SNX16: variants seen among roughly 807,000 people sequenced by gnomAD.
SNX16 encodes sorting nexin 16.
A neutral mutation model predicts 36.7 loss-of-function variants in SNX16; 35 were observed. The ratio of observed to expected loss-of-function variants is 0.95; its 90% CI spans 0.73 to 1.27. The LOEUF (loss-of-function observed/expected upper bound fraction) is 1.27, where lower values mean the gene tolerates loss of function less well. SNX16 is among the 50% of genes most tolerant of loss of function. The pLI, the probability that SNX16 is intolerant of heterozygous loss-of-function variation, is 0.00. For synonymous variants in SNX16, 134 were observed against 132.0 expected, an observed-to-expected ratio of 1.02 and a Z score of -0.10; for missense variants, 367 against 393.6, an observed-to-expected ratio of 0.93 and a Z score of 0.57.
At chr8:81,838,803 T>C (rs1441698788) in intron 2 of SNX16, among the ~76,000 whole-genome samples, 3 of 151,996 alleles carry the variant, frequency 2.0e-5, no homozygotes, top group African/African-American at 7.2e-5. Flanking sequence ...TTATCAAATG[T>C]ATTATTAAGG....
chr8:81,819,654 A>T (rs544615499), intron 4 of SNX16, among the ~76,000 whole-genome samples: 1 of 152,086 alleles, frequency 6.6e-6, no homozygotes, highest in African/African-American at 2.4e-5. Context: ...ACTCATTTTT[A>T]TATAGTCAAA....
chr8:81,808,641 G>C, intron 5 of SNX16: 3 of 930,706 alleles, frequency 3.2e-6, no homozygotes, highest in Non-Finnish European at 3.5e-6. Flanking sequence ...CCCCCATGGT[G>C]GTGGAGGCCA....
rs138107067 is a variant in SNX16, at chr8:81,799,769, G to A, written c.*1728C>T. On this transcript the variant is annotated 3_prime_UTR_variant, in exon 8 of 8. Coordinates refer to ENST00000345957, the MANE Select transcript of SNX16 (RefSeq NM_152836.3). ...GCCAGATTGAAAAAGTGGCTGGTTC[G>A]CTTTAGAACAGACAGGCAACACTAT... 15 of 151,892 alleles carry A rather than the reference G, an allele frequency of 9.9e-5. No homozygotes were observed. Among genetic ancestry groups the A allele is most frequent in the Admixed American group, 2.6e-4 (4 of 15,268 alleles). The allele number at this position is 151,892 out of a possible 1,614,324, so 9.4% of individuals were successfully genotyped here. A position where few individuals can be genotyped will look rare whatever the true frequency, so the allele number is the denominator to read the frequency against.
chr8:81,818,120 C>G (rs1585995766), intron 4 of SNX16, among the ~76,000 whole-genome samples: 1 of 151,978 alleles, frequency 6.6e-6, no homozygotes, highest in Non-Finnish European at 1.5e-5. Context: ...CTCTTAAGAA[C>G]AACATATTTG....
In SNX16 at chr8:81,815,753, C is replaced by A. The variant is rs1191125344; in HGVS notation, c.612-359G>T. On this transcript the variant is annotated intron_variant, in intron 4 of 7. Transcript: ENST00000345957. ...ATCCTTTTATGAATAAATGCAATTT[C>A]TAATTTATACCTCACTTGTTTTTGT... The A allele has an allele frequency of 1.8e-5, 3 of 166,094 alleles. No homozygotes were observed. In the South Asian group the frequency reaches 4.7e-4, roughly 26 times the overall value. The allele number at this position is 166,094 out of a possible 1,614,324, so 10.3% of individuals were successfully genotyped here.
chr8:81,829,035 C>A (rs1242625069), intron 3 of SNX16, among the ~76,000 whole-genome samples: 2 of 152,198 alleles, frequency 1.3e-5, no homozygotes, highest in African/African-American at 4.8e-5. Context: ...AGGAACCCAG[C>A]TGAACCCACC....
chr8:81,805,911 A>C (rs1159852100), intron 5 of SNX16, among the ~76,000 whole-genome samples: 1 of 151,560 alleles, frequency 6.6e-6, no homozygotes, highest in Non-Finnish European at 1.5e-5. Context: ...ACAGAGCAAG[A>C]CTCTTATCTC....
intron 7 of SNX16, 98 bp from the exon 8 acceptor site, chr8:81,801,691 A>G (rs1209941831): frequency 3.2e-6 from 2 of 616,402 alleles, no homozygotes; most frequent in East Asian, 5.6e-5. Context: ...TCTACCTTAT[A>G]GAAAATTTAC....
chr8:81,820,103 T>C lies in SNX16; in HGVS notation c.611+3689A>G, dbSNP rs567357002. ...TGCCATTCCAACTGTACCAGAATGC[T>C]AACAGGCATCCCAGCAGGTAATATG... On this transcript the variant is annotated intron_variant, in intron 4 of 7. Coordinates refer to ENST00000345957, the MANE Select transcript of SNX16 (RefSeq NM_152836.3). 8.3e-4 allele frequency among the ~76,000 whole-genome samples: 126 copies of C among 152,240 alleles called. 1 individual carries two copies. The highest frequency in any genetic ancestry group is 3.0e-3 in the African/African-American group (125 of 41,600).
rs1269436778 is a variant in SNX16 at position 81,799,953 on chromosome 8, T to A, written c.*1544A>T. 6.6e-6 allele frequency: 1 copy of A among 151,936 alleles called. No homozygotes were observed. Among genetic ancestry groups the A allele is most frequent in the African/African-American group, 2.4e-5 (1 of 41,444 alleles). The allele number at this position is 151,936 out of a possible 1,614,324, so 9.4% of individuals were successfully genotyped here. A position where few individuals can be genotyped will look rare whatever the true frequency, so the allele number is the denominator to read the frequency against. ...TTTCTGTCTCTAAGGATAGCAAACA[T>A]ATTTCTGATACACATTGTGAAAAAT... is the stretch of plus-strand genomic sequence containing the variant. On this transcript the variant is annotated 3_prime_UTR_variant, in exon 8 of 8. Transcript: ENST00000345957.
At chr8:81,810,672 A>AATC (rs1409595543) in intron 5 of SNX16, among the ~76,000 whole-genome samples, 2 of 152,200 alleles carry the variant, frequency 1.3e-5, no homozygotes, top group Non-Finnish European at 2.9e-5. Flanking sequence ...GACTTATTTA[A>AATC]ATCAGTGGTT....
At chr8:81,839,151 A>T (rs1052767937) in intron 2 of SNX16, among the ~76,000 whole-genome samples, 1 of 152,148 alleles carries the variant, frequency 6.6e-6, no homozygotes, top group Non-Finnish European at 1.5e-5. Flanking sequence ...TTTTAGGAGT[A>T]TAAATCAGTA....
At chr8:81,823,708 A>G (rs1810879663) in intron 4 of SNX16, 84 bp downstream of exon 4, 1 of 1,242,434 alleles carries the variant, frequency 8.0e-7, no homozygotes. Flanking sequence ...TTGTGCTTAA[A>G]TAACTATGAT....
At chr8:81,818,462 T>C (rs1175849181) in intron 4 of SNX16, among the ~76,000 whole-genome samples, 1 of 152,130 alleles carries the variant, frequency 6.6e-6, no homozygotes, top group African/African-American at 2.4e-5. Context: ...TTATTGAATT[T>C]TTTTTAACTA....
chr8:81,816,181 C>CTTTTTCT (rs1554545064), intron 4 of SNX16, among the ~76,000 whole-genome samples: 4 of 137,814 alleles, frequency 2.9e-5, no homozygotes, highest in East Asian at 2.1e-4. Context: ...AAAGGATTTT[C>CTTTTTCT]TTTTTTTTTT....
intron 2 of SNX16, among the ~76,000 whole-genome samples, chr8:81,836,172 C>A (rs188701097): frequency 4.1e-4 from 63 of 152,312 alleles, no homozygotes; most frequent in Non-Finnish European, 6.9e-4. Flanking sequence ...CTACTCACTA[C>A]ACATCCTAGT....
intron 2 of SNX16, among the ~76,000 whole-genome samples, chr8:81,830,578 G>T (rs1162046362): frequency 2.0e-5 from 2 of 102,108 alleles, no homozygotes; most frequent in South Asian, 3.4e-4. Context: ...CGTCTAGGGG[G>T]TAAAAAAAAA....
intron 4 of SNX16, 110 bp downstream of exon 4, chr8:81,823,682 C>G: frequency 1.1e-6 from 1 of 948,658 alleles, no homozygotes; most frequent in Non-Finnish European, 1.5e-6. Context: ...AGTAATTATA[C>G]TCCAACCCTG....
At position 81,801,362 on chromosome 8, in the gene SNX16, TTATG is replaced by T. The variant is rs2130560842; in HGVS notation, c.*131_*134del. 1.3e-5 allele frequency: 6 copies of T among 451,236 alleles called. No homozygotes were observed. The highest frequency in any genetic ancestry group is 2.3e-5 in the Non-Finnish European group (6 of 259,996). The allele number at this position is 451,236 out of a possible 1,614,324, so 28.0% of individuals were successfully genotyped here. A position where few individuals can be genotyped will look rare whatever the true frequency, so the allele number is the denominator to read the frequency against. ...ATCTCAATAACTTAAAAAAACTTCT[TTATG>T]TAAACTTTATACATGTGCATTCTTG... On this transcript the variant is annotated 3_prime_UTR_variant, in exon 8 of 8. Transcript: ENST00000345957.
Sources: gnomAD v4.1 joint callset for allele counts (sites outside exome capture counted in the v4.1 genomes callset) on GRCh38, gnomAD v4.1.1 for gene constraint, MANE v1.5 for transcripts, NCBI Gene and HGNC (gene_info 2026-07-23, HGNC 2026-07-21) for gene names.